Variants in GALNT14 observed in about 807,000 individuals in gnomAD.
GALNT14 encodes UDP-GalNAc:polypeptide N-acetylgalactosaminyltransferase 14.
A neutral mutation model predicts 77.5 loss-of-function variants in GALNT14; 60 were observed. The ratio of observed to expected loss-of-function variants is 0.77; its 90% CI spans 0.63 to 0.96. The LOEUF (loss-of-function observed/expected upper bound fraction) is 0.96. Ranked by LOEUF, GALNT14 falls within the 40% of genes least tolerant of loss-of-function variation. The pLI is 0.00. For synonymous variants in GALNT14, 280 were observed against 281.7 expected (o/e 0.99, Z 0.06); for missense variants, 710 against 731.0 (o/e 0.97, Z 0.33).
At chr2:30,994,031 C>T (rs940181496) in intron 1 of GALNT14, among the ~76,000 whole-genome samples, 1 of 152,236 alleles carries the variant, frequency 6.6e-6, no homozygotes, top group East Asian at 1.9e-4. Context: ...TGTTAGCACT[C>T]TCACCCCTGG....
At chr2:30,937,666 T>C (rs1422080405) in intron 9 of GALNT14, among the ~76,000 whole-genome samples, 1 of 152,212 alleles carries the variant, frequency 6.6e-6, no homozygotes, top group Non-Finnish European at 1.5e-5. Flanking sequence ...GAAAGTTCTC[T>C]ACTTTTAAGG....
intron 2 of GALNT14, among the ~76,000 whole-genome samples, chr2:30,986,090 A>C (rs1248066131): frequency 6.6e-6 from 1 of 152,136 alleles, no homozygotes; most frequent in Non-Finnish European, 1.5e-5. Flanking sequence ...GCCAAGGAAA[A>C]ATGTCTTCCT....
At chr2:30,912,739 C>T (rs753390456) in intron 13 of GALNT14, among the ~76,000 whole-genome samples, 12 of 152,180 alleles carry the variant, frequency 7.9e-5, no homozygotes, top group Non-Finnish European at 1.6e-4. Context: ...AGCAGGTCAA[C>T]TCCCCACCCC....
intron 1 of GALNT14, among the ~76,000 whole-genome samples, chr2:31,108,604 C>T (rs2194463): frequency 0.086 from 13,143 of 152,258 alleles, 894 homozygotes; most frequent in African/African-American, 0.19. Flanking sequence ...ATTGGGCATT[C>T]GGTTTTTCCA....
chr2:30,990,211 G>C (rs116030022), intron 2 of GALNT14, among the ~76,000 whole-genome samples: 52 of 152,308 alleles, frequency 3.4e-4, no homozygotes, highest in Non-Finnish European at 6.9e-4. Context: ...CTGCAACAAA[G>C]TATTATCTAC....
chr2:31,130,543 C>T (rs1573391607), intron 1 of GALNT14, among the ~76,000 whole-genome samples: 1 of 152,216 alleles, frequency 6.6e-6, no homozygotes, highest in Non-Finnish European at 1.5e-5. Context: ...ACACCTCCCA[C>T]ACCACAGAGA....
chr2:30,995,186 A>C (rs142542857), intron 1 of GALNT14, among the ~76,000 whole-genome samples: 211 of 150,528 alleles, frequency 1.4e-3, no homozygotes, highest in South Asian at 4.0e-3. Context: ...GTTCATGTGC[A>C]TATGTATACA....
intron 1 of GALNT14, among the ~76,000 whole-genome samples, chr2:31,120,520 C>A (rs981651692): frequency 2.0e-5 from 3 of 152,072 alleles, no homozygotes; most frequent in African/African-American, 7.2e-5. Context: ...CTTTTTTCAA[C>A]GTATATATCT....
At chr2:30,945,648 T>G in intron 7 of GALNT14, 135 bp downstream of exon 7, 1 of 707,788 alleles carries the variant, frequency 1.4e-6, no homozygotes, top group East Asian at 2.7e-5. Context: ...CAAGCTAAGG[T>G]AATTATAGTG....
chr2:30,922,787 T>C (rs1665109878), intron 13 of GALNT14, among the ~76,000 whole-genome samples: 1 of 152,240 alleles, frequency 6.6e-6, no homozygotes, highest in African/African-American at 2.4e-5. Flanking sequence ...TGAGGGGCCC[T>C]TCAGGCCTGC....
intron 1 of GALNT14, among the ~76,000 whole-genome samples, chr2:31,001,314 T>G (rs1339409089): frequency 6.6e-6 from 1 of 151,640 alleles, no homozygotes; most frequent in African/African-American, 2.4e-5. Flanking sequence ...ATCTTCAACA[T>G]GAAAGAAGGA....
chr2:30,915,634 G>A (rs546698873), intron 13 of GALNT14, among the ~76,000 whole-genome samples: 1 of 152,352 alleles, frequency 6.6e-6, no homozygotes, highest in South Asian at 2.1e-4. Context: ...ACAGACTCCA[G>A]GAAGGCAGCA....
chr2:30,910,242 C>A (rs568971817), downstream of GALNT14, among the ~76,000 whole-genome samples: 4 of 152,072 alleles, frequency 2.6e-5, no homozygotes, highest in African/African-American at 9.6e-5. Flanking sequence ...CTGATCTGGT[C>A]CCACTCTCCT....
intron 8 of GALNT14, among the ~76,000 whole-genome samples, chr2:30,943,746 G>A (rs1404840568): frequency 2.6e-5 from 4 of 152,078 alleles, no homozygotes; most frequent in Non-Finnish European, 4.4e-5. Flanking sequence ...CTTTGTCCTG[G>A]GTACCAACTG....
intron 13 of GALNT14, among the ~76,000 whole-genome samples, chr2:30,921,280 C>G (rs1012849694): frequency 7.2e-5 from 11 of 152,168 alleles, no homozygotes; most frequent in African/African-American, 2.7e-4. Context: ...ACCAAGCACA[C>G]TCCTGCCCCA....
intron 3 of GALNT14, among the ~76,000 whole-genome samples, chr2:30,960,438 G>A (rs2148329791): frequency 6.6e-6 from 1 of 152,094 alleles, no homozygotes; most frequent in Non-Finnish European, 1.5e-5. Flanking sequence ...TGCACTGGTT[G>A]AACTGAGAGA....
chr2:30,996,478 G>A (rs958115326), intron 1 of GALNT14, among the ~76,000 whole-genome samples: 1 of 152,238 alleles, frequency 6.6e-6, no homozygotes, highest in Non-Finnish European at 1.5e-5. Context: ...GCCTCCCTGT[G>A]CTGGAGAGGC....
At chr2:31,104,700 G>T (rs1270749590) in intron 1 of GALNT14, among the ~76,000 whole-genome samples, 1 of 152,086 alleles carries the variant, frequency 6.6e-6, no homozygotes, top group Non-Finnish European at 1.5e-5. Flanking sequence ...TCCTTCTGTA[G>T]AGCCTGTGTC....
Position 31,063,576 on chromosome 2 carries a change from G to T in GALNT14, c.130-70569C>A, listed in dbSNP as rs537401425. Among the ~76,000 whole-genome samples, 272 of 152,288 alleles carry T rather than the reference G, an allele frequency of 1.8e-3. 1 individual carries two copies. Among genetic ancestry groups the T allele is most frequent in the African/African-American group, 6.4e-3 (266 of 41,562 alleles). The stretch of plus-strand genomic sequence containing the variant: ...TTGGTTCCATATGAAATGTAAAGTA[G>T]TTTTTTCTAATTCTGTGAAGAAAAT... On this transcript the variant is annotated intron_variant, in intron 1 of 14. Transcript: ENST00000349752.
Sources: gnomAD v4.1 joint callset for allele counts (sites outside exome capture counted in the v4.1 genomes callset) on GRCh38, gnomAD v4.1.1 for gene constraint, MANE v1.5 for transcripts, NCBI Gene and HGNC (gene_info 2026-07-23, HGNC 2026-07-21) for gene names.